SLC45A4: variants seen among roughly 807,000 people sequenced by gnomAD.
SLC45A4 encodes the protein polyamine-transporter SLC45A4.
In SLC45A4, 32 loss-of-function variants were observed where a neutral mutation model predicts 63.7. The observed-to-expected ratio is 0.50, with a 90% CI of 0.38 to 0.67. The LOEUF is 0.67. Ranked by LOEUF, SLC45A4 falls within the 30% of genes least tolerant of loss-of-function variation. The probability of loss-of-function intolerance (pLI) is 0.00; values close to 1 mark genes in which losing one functional copy is unlikely to be tolerated. For synonymous variants in SLC45A4, 535 were observed against 510.0 expected, an observed-to-expected ratio of 1.05 and a Z score of -0.66; for missense variants, 1,027 against 1,157.7, an observed-to-expected ratio of 0.89 and a Z score of 1.64.
At chr8:141,302,657 G>A (rs1830784985) in intron 1 of SLC45A4, among the ~76,000 whole-genome samples, 1 of 152,178 alleles carries the variant, frequency 6.6e-6, no homozygotes, top group African/African-American at 2.4e-5. Flanking sequence ...GAACACATAA[G>A]CAAAAATGTT....
chr8:141,223,775 A>G (rs1469317169), intron 2 of SLC45A4, among the ~76,000 whole-genome samples: 1 of 152,050 alleles, frequency 6.6e-6, no homozygotes, highest in Non-Finnish European at 1.5e-5. Context: ...GGCCACCCAC[A>G]TGCACTCACG....
chr8:141,273,352 T>C (rs1829610801), intron 1 of SLC45A4, among the ~76,000 whole-genome samples: 1 of 152,212 alleles, frequency 6.6e-6, no homozygotes, highest in South Asian at 2.1e-4. Context: ...AACGGTGGCA[T>C]GCTTCTAGCC....
chr8:141,230,147 G>C (rs780328057), intron 2 of SLC45A4: 11 of 455,962 alleles, frequency 2.4e-5, no homozygotes, highest in South Asian at 1.7e-4. Context: ...GGCCCGGTGA[G>C]TAGACTCTTG....
rs1826406851 is a variant in SLC45A4, at chr8:141,219,032, GC to G, written c.611-4del. 1 of 1,604,610 alleles carries G rather than the reference GC, an allele frequency of 6.2e-7. No homozygotes were observed. Among genetic ancestry groups the G allele is most frequent in the South Asian group, 1.1e-5 (1 of 90,714 alleles). On this transcript the variant is annotated splice_polypyrimidine_tract_variant and splice_region_variant and intron_variant, in intron 4 of 8. Coordinates refer to ENST00000517878, the MANE Select transcript of SLC45A4 (RefSeq NM_001286646.2). ...GTAGCCGATGGCTCCGCCGAGGCCT[GC>G]GTGGGAGGAAGCAGCAGCCGGTGAG... is the stretch of plus-strand genomic sequence containing the variant.
rs751635771 is a variant in SLC45A4 at position 141,218,390 on chromosome 8, T to TGCCGCC, written c.1244_1249dup (p.Arg415_Arg416dup). 6.2e-7 allele frequency: 1 copy of TGCCGCC among 1,608,568 alleles called. No homozygotes were observed. Among genetic ancestry groups the TGCCGCC allele is most frequent in the South Asian group, 1.1e-5 (1 of 91,034 alleles). On this transcript the variant is annotated inframe_insertion, in exon 5 of 9. Transcript: ENST00000517878. ...GCTGGAGGCCTGCCTGCGGAACGCG[T>TGCCGCC]GCCGCCGCCGCCGCATGGAGCTCGA...
At chr8:141,296,534 AAAATT>A (rs1169629693) in intron 1 of SLC45A4, among the ~76,000 whole-genome samples, 4 of 42,754 alleles carry the variant, frequency 9.4e-5, no homozygotes, top group East Asian at 1.4e-3. Context: ...AATTAAAATT[AAAATT>A]AAAAAAAAAA....
At chr8:141,221,894 T>A (rs776667648) in intron 2 of SLC45A4, 129 bp from the exon 3 acceptor site, 6 of 949,964 alleles carry the variant, frequency 6.3e-6, no homozygotes, top group Non-Finnish European at 9.3e-6. Flanking sequence ...CTGCTCAGGT[T>A]GTCTCCACGG....
At chr8:141,242,142 A>G (rs923038621) in intron 2 of SLC45A4, among the ~76,000 whole-genome samples, 3 of 152,242 alleles carry the variant, frequency 2.0e-5, no homozygotes, top group African/African-American at 7.2e-5. Context: ...CCGAGATCAC[A>G]GGGAACAACT....
chr8:141,275,644 C>T lies in SLC45A4; in HGVS notation c.-400-21015G>A, dbSNP rs182841671. On this transcript the variant is annotated intron_variant, in intron 1 of 8. Coordinates refer to ENST00000517878, the MANE Select transcript of SLC45A4 (RefSeq NM_001286646.2). Reference sequence around the variant, plus strand: ...AAACAACAACAACCATGAAACACTACAGAGCAATGCTTATTACACCACTAA... The same window carrying T: ...AAACAACAACAACCATGAAACACTATAGAGCAATGCTTATTACACCACTAA... 3.2e-3 allele frequency among the ~76,000 whole-genome samples: 480 copies of T among 151,704 alleles called. 1 individual carries two copies. Among genetic ancestry groups the T allele is most frequent in the African/African-American group, 9.7e-3 (400 of 41,402 alleles).
chr8:141,271,539 G>A (rs1829521178), intron 1 of SLC45A4, among the ~76,000 whole-genome samples: 1 of 152,208 alleles, frequency 6.6e-6, no homozygotes, highest in Non-Finnish European at 1.5e-5. Flanking sequence ...GAGGCTGTGT[G>A]GGTGGATCAA....
chr8:141,300,242 G>A (rs1337435131), intron 1 of SLC45A4, among the ~76,000 whole-genome samples: 1 of 152,194 alleles, frequency 6.6e-6, no homozygotes. Context: ...AAAGCTGGGA[G>A]ACACCAGAGA....
At chr8:141,288,034 T>C (rs1250110517) in intron 1 of SLC45A4, among the ~76,000 whole-genome samples, 4 of 152,118 alleles carry the variant, frequency 2.6e-5, no homozygotes, top group Non-Finnish European at 5.9e-5. Context: ...CAGCCTCCTT[T>C]TTGGTGGTGG....
At chr8:141,292,330 C>T (rs1270498840) in intron 1 of SLC45A4, among the ~76,000 whole-genome samples, 1 of 152,250 alleles carries the variant, frequency 6.6e-6, no homozygotes, top group Non-Finnish European at 1.5e-5. Context: ...GGTTCCTCAG[C>T]TATGTGGGCC....
intron 1 of SLC45A4, among the ~76,000 whole-genome samples, chr8:141,298,121 T>A (rs1229250948): frequency 2.0e-5 from 3 of 152,162 alleles, no homozygotes; most frequent in African/African-American, 7.2e-5. Flanking sequence ...GCCCTTCCCT[T>A]CATCCCACAG....
chr8:141,304,376 T>C (rs1359432815), intron 1 of SLC45A4, among the ~76,000 whole-genome samples: 1 of 152,032 alleles, frequency 6.6e-6, no homozygotes, highest in Non-Finnish European at 1.5e-5. Flanking sequence ...CTGGCCAACA[T>C]GGTGAAACCC....
At chr8:141,268,937 C>T (rs937472489) in intron 1 of SLC45A4, among the ~76,000 whole-genome samples, 1 of 152,218 alleles carries the variant, frequency 6.6e-6, no homozygotes, top group Admixed American at 6.5e-5. Context: ...ATACAAAGTT[C>T]ACACCAGTTT....
At chr8:141,272,764 C>G (rs1181292465) in intron 1 of SLC45A4, among the ~76,000 whole-genome samples, 1 of 152,164 alleles carries the variant, frequency 6.6e-6, no homozygotes, top group African/African-American at 2.4e-5. Flanking sequence ...TGCCTGGAGC[C>G]GAGTTCCAAC....
intron 1 of SLC45A4, among the ~76,000 whole-genome samples, chr8:141,302,598 C>G (rs535466428): frequency 6.6e-6 from 1 of 152,334 alleles, no homozygotes; most frequent in South Asian, 2.1e-4. Context: ...TCCCAAAGAG[C>G]TAGGATTACA....
intron 1 of SLC45A4, among the ~76,000 whole-genome samples, chr8:141,258,560 A>C (rs2154614756): frequency 6.6e-6 from 1 of 152,244 alleles, no homozygotes; most frequent in Non-Finnish European, 1.5e-5. Flanking sequence ...GGATCAGCTA[A>C]AGACTCATTC....
Sources: gnomAD v4.1 joint callset for allele counts (sites outside exome capture counted in the v4.1 genomes callset) on GRCh38, gnomAD v4.1.1 for gene constraint, MANE v1.5 for transcripts, NCBI Gene and HGNC (gene_info 2026-07-23, HGNC 2026-07-21) for gene names.